The following GPATCH8 variants were observed in gnomAD, a reference collection of about 807,000 sequenced individuals.
GPATCH8 encodes the protein G-patch domain containing 8.
GPATCH8 carries 18 observed loss-of-function variants against 118.3 expected under a neutral mutation model. The ratio of observed to expected loss-of-function variants is 0.15; its 90% CI spans 0.11 to 0.23. The LOEUF (loss-of-function observed/expected upper bound fraction) is 0.23, where lower values mean the gene tolerates loss of function less well. Among genes scored for constraint, GPATCH8 ranks in the 10% least tolerant of loss-of-function variants. The pLI, the probability that GPATCH8 is intolerant of heterozygous loss-of-function variation, is 1.00. For missense variants in GPATCH8, 1,631 were observed against 1,873.8 expected (o/e 0.87, Z 2.39); for synonymous variants, 659 against 684.7 (o/e 0.96, Z 0.59).
chr17:44,414,075 ATATATGTGTGTG>A (rs2049559458), intron 6 of GPATCH8, among the ~76,000 whole-genome samples: 1 of 140,378 alleles, frequency 7.1e-6, no homozygotes, highest in African/African-American at 2.8e-5. Context: ...ATATATATAT[ATATATGTGTGTG>A]TATATATATA....
intron 3 of GPATCH8, among the ~76,000 whole-genome samples, chr17:44,446,512 G>C (rs1476951289): frequency 6.6e-6 from 1 of 152,134 alleles, no homozygotes; most frequent in Non-Finnish European, 1.5e-5. Context: ...TTGCAGTGAA[G>C]CCGAGTTCAC....
intron 3 of GPATCH8, among the ~76,000 whole-genome samples, chr17:44,450,261 C>T (rs2051064170): frequency 6.6e-6 from 1 of 152,166 alleles, no homozygotes; most frequent in African/African-American, 2.4e-5. Flanking sequence ...TAGAACATTT[C>T]ACAGAAAAGG....
At chr17:44,455,892 C>T (rs2051311576) in intron 3 of GPATCH8, among the ~76,000 whole-genome samples, 1 of 152,042 alleles carries the variant, frequency 6.6e-6, no homozygotes, top group African/African-American at 2.4e-5. Context: ...GGATTACAGG[C>T]ACTCGCCACC....
chr17:44,397,470 A>AT lies in GPATCH8; in HGVS notation c.*97dup. On this transcript the variant is annotated 3_prime_UTR_variant, in exon 8 of 8. Transcript: ENST00000591680. ...ATTCTTTGGCTGTCAGACACTGCCC[A>AT]TCCCAGCTTCTACTTGCTGGTATTA... 1.2e-6 allele frequency: 1 copy of AT among 854,126 alleles called. No homozygotes were observed. Among genetic ancestry groups the AT allele is most frequent in the Non-Finnish European group, 2.0e-6 (1 of 502,420 alleles). 52.9% of individuals were successfully genotyped at this position (854,126 alleles called of 1,614,324 possible). A position where few individuals can be genotyped will look rare whatever the true frequency, so the allele number is the denominator to read the frequency against.
At chr17:44,460,337 C>T (rs1047126477) in intron 3 of GPATCH8, among the ~76,000 whole-genome samples, 7 of 151,784 alleles carry the variant, frequency 4.6e-5, no homozygotes, top group Admixed American at 2.6e-4. Context: ...TAATAATTAT[C>T]GGCCATATAT....
At chr17:44,477,409 T>TG (rs2144394377) in intron 1 of GPATCH8, among the ~76,000 whole-genome samples, 1 of 151,976 alleles carries the variant, frequency 6.6e-6, no homozygotes, top group African/African-American at 2.4e-5. Flanking sequence ...AACTGTATCC[T>TG]TTTTTTTAAG....
intron 1 of GPATCH8, among the ~76,000 whole-genome samples, chr17:44,483,825 T>TTTGTTGTTG (rs55703241): frequency 0.044 from 6,526 of 149,172 alleles, 206 homozygotes; most frequent in Non-Finnish European, 0.062. Flanking sequence ...TTTGGTTGTT[T>TTTGTTGTTG]TTGTTGTTGT....
chr17:44,435,236 A>G, intron 4 of GPATCH8, 85 bp from the exon 5 acceptor site: 1 of 738,958 alleles, frequency 1.4e-6, no homozygotes, highest in Non-Finnish European at 2.5e-6. Flanking sequence ...CAACTACAGT[A>G]TTATCTGAAA....
At chr17:44,454,942 C>T (rs1004742584) in intron 3 of GPATCH8, among the ~76,000 whole-genome samples, 1 of 152,128 alleles carries the variant, frequency 6.6e-6, no homozygotes, top group East Asian at 1.9e-4. Context: ...CTCCAAGACC[C>T]ATTTAATTAG....
In GPATCH8 at chr17:44,424,426, C is replaced by G. The variant is rs1172846735; in HGVS notation, c.415G>C (p.Glu139Gln). 1 of 1,600,866 alleles carries G rather than the reference C, an allele frequency of 6.2e-7. No homozygotes were observed. Reference sequence around the variant, plus strand: ...TTCTGATATTGCTTATCACACAGTTCACAATAAAAGTTGGCTCTGAGGTCT... The same window carrying G: ...TTCTGATATTGCTTATCACACAGTTGACAATAAAAGTTGGCTCTGAGGTCT... ...LEDLRANFYC[E>Q]LCDKQYQKHQ... The change falls in exon 6 of 8, where the codon GAA becomes CAA. Residue 139 changes from glutamate to glutamine, a missense_variant. Transcript: ENST00000591680.
chr17:44,416,827 C>T (rs1051413789), intron 6 of GPATCH8, among the ~76,000 whole-genome samples: 1 of 152,192 alleles, frequency 6.6e-6, no homozygotes, highest in Non-Finnish European at 1.5e-5. Context: ...GAGGCTTCAT[C>T]TGTTTTAGTT....
chr17:44,464,488 C>CA lies in GPATCH8; in HGVS notation c.176dup (p.Leu59PhefsTer19). The stretch of plus-strand genomic sequence containing the variant: ...AACACTTACCCTGAAGAGATTTTCC[C>CA]AATCCCTGGCCCAGCTTCCACCCAT... On this transcript the variant is annotated frameshift_variant, in exon 3 of 8. Coordinates refer to ENST00000591680, the MANE Select transcript of GPATCH8 (RefSeq NM_001002909.4). LOFTEE classifies it high-confidence loss of function. The CA allele has an allele frequency of 6.3e-7, 1 of 1,592,018 alleles. No individual in the cohort carries two copies. The highest frequency in any genetic ancestry group is 8.6e-7 in the Non-Finnish European group (1 of 1,160,598).
At chr17:44,472,042 C>T in intron 2 of GPATCH8, among the ~76,000 whole-genome samples, 1 of 151,266 alleles carries the variant, frequency 6.6e-6, no homozygotes, top group Admixed American at 6.6e-5. Flanking sequence ...TGCCCTACTT[C>T]TACCTAATAC....
intron 1 of GPATCH8, among the ~76,000 whole-genome samples, chr17:44,489,556 T>A (rs79075095): frequency 0.058 from 8,842 of 152,168 alleles, 358 homozygotes; most frequent in Middle Eastern, 0.1. Context: ...GCCAGGCTGG[T>A]CTTGAACTCC....
intron 5 of GPATCH8, among the ~76,000 whole-genome samples, chr17:44,425,462 G>A (rs906928650): frequency 6.6e-6 from 1 of 152,212 alleles, no homozygotes; most frequent in East Asian, 1.9e-4. Flanking sequence ...AAGTGAGTAT[G>A]TGTAGCACAT....
chr17:44,484,381 A>C (rs1241196951), intron 1 of GPATCH8, among the ~76,000 whole-genome samples: 2 of 152,226 alleles, frequency 1.3e-5, no homozygotes, highest in African/African-American at 4.8e-5. Context: ...ATATCCATTA[A>C]GGTTATATGA....
At chr17:44,485,148 TC>T (rs1261806976) in intron 1 of GPATCH8, among the ~76,000 whole-genome samples, 4 of 151,934 alleles carry the variant, frequency 2.6e-5, no homozygotes, top group African/African-American at 9.7e-5. Context: ...TCTCACTCTG[TC>T]ATCCATGTTG....
At chr17:44,423,565 T>C (rs1374614293) in intron 6 of GPATCH8, among the ~76,000 whole-genome samples, 5 of 152,312 alleles carry the variant, frequency 3.3e-5, no homozygotes, top group South Asian at 4.1e-4. Flanking sequence ...AATACAACTA[T>C]TGTACCCCCC....
intron 1 of GPATCH8, among the ~76,000 whole-genome samples, chr17:44,497,629 T>G (rs1192517577): frequency 1.3e-5 from 2 of 150,914 alleles, no homozygotes; most frequent in Non-Finnish European, 3.0e-5. Flanking sequence ...TTTAAAAAAG[T>G]CTTGACCACA....
Sources: gnomAD v4.1 joint callset for allele counts (sites outside exome capture counted in the v4.1 genomes callset) on GRCh38, gnomAD v4.1.1 for gene constraint, MANE v1.5 for transcripts, NCBI Gene and HGNC (gene_info 2026-07-23, HGNC 2026-07-21) for gene names.